KIF1C: variants seen among roughly 807,000 people sequenced by gnomAD.
KIF1C encodes kinesin-like protein KIF1C.
KIF1C carries 61 observed loss-of-function variants against 126.5 expected under a neutral mutation model. The ratio of observed to expected loss-of-function variants is 0.48; its 90% CI spans 0.39 to 0.60. The LOEUF is 0.60. KIF1C is among the 20% of genes least tolerant of loss of function. The probability of loss-of-function intolerance (pLI) is 0.00; values close to 1 mark genes in which losing one functional copy is unlikely to be tolerated. For missense variants in KIF1C, 1,315 were observed against 1,489.2 expected, an observed-to-expected ratio of 0.88 and a Z score of 1.93; for synonymous variants, 640 against 580.6, an observed-to-expected ratio of 1.10 and a Z score of -1.47.
intron 18 of KIF1C, 180 bp from the exon 19 acceptor site, chr17:5,019,816 C>G: frequency 3.2e-6 from 2 of 615,972 alleles, no homozygotes; most frequent in Non-Finnish European, 5.9e-6. Flanking sequence ...AACCCTCCTT[C>G]TGCTCTTCCT....
In KIF1C at chr17:5,025,289, C is replaced by T. The variant is rs1975190683; in HGVS notation, c.*1138C>T. ...GAGGGGAGGTAGAGGGACCGCCAGC[C>T]TGTCAATGCTTAACTGGCTGTTGCT... On this transcript the variant is annotated 3_prime_UTR_variant, in exon 23 of 23. Coordinates refer to ENST00000320785, the MANE Select transcript of KIF1C (RefSeq NM_006612.6). 2 of 152,318 alleles carry T rather than the reference C, an allele frequency of 1.3e-5. No homozygotes were observed. Among genetic ancestry groups the T allele is most frequent in the Admixed American group, 1.3e-4 (2 of 15,280 alleles). 9.4% of individuals were successfully genotyped at this position (152,318 alleles called of 1,614,324 possible). A position where few individuals can be genotyped will look rare whatever the true frequency, so the allele number is the denominator to read the frequency against.
chr17:5,007,545 G>A lies in KIF1C; in HGVS notation c.1491+3G>A. ...TGGGCGTCTTCTCTCCAAAGAAGGT[G>A]AGTGAGGAATCGAGCGAGGAGGCCT... On this transcript the variant is annotated splice_donor_region_variant and intron_variant, in intron 16 of 22. Transcript: ENST00000320785. 6.5e-7 allele frequency: 1 copy of A among 1,545,682 alleles called. No individual in the cohort carries two copies. Among genetic ancestry groups the A allele is most frequent in the Non-Finnish European group, 8.7e-7 (1 of 1,147,706 alleles).
Position 5,000,276 on chromosome 17 carries a change from G to GA in KIF1C, c.31dup (p.Arg11LysfsTer6). Reference sequence around the variant, plus strand: ...CTGGTGCCTCGGTGAAAGTGGCAGTGAGGGTTCGGCCCTTTAACGCCCGTG... The same window carrying GA: ...CTGGTGCCTCGGTGAAAGTGGCAGTGAAGGGTTCGGCCCTTTAACGCCCGTG... On this transcript the variant is annotated frameshift_variant, in exon 3 of 23. Transcript: ENST00000320785. LOFTEE classifies it high-confidence loss of function. 1 of 1,583,380 alleles carries GA rather than the reference G, an allele frequency of 6.3e-7. No individual in the cohort carries two copies. Among genetic ancestry groups the GA allele is most frequent in the Middle Eastern group, 1.8e-4 (1 of 5,630 alleles).
At position 5,022,727 on chromosome 17, in the gene KIF1C, C is replaced by A; in HGVS notation, c.2628+18C>A. On this transcript the variant is annotated intron_variant, in intron 22 of 22. Transcript: ENST00000320785. This position sits in a 1 kb window ranked among gnomAD's most constrained non-coding sequence, Gnocchi z 4.9. The stretch of plus-strand genomic sequence containing the variant: ...TGGCCCAGGTAGGACTGGCCTTCTG[C>A]CTCCCTTCTCTCCTCCCTCGGCTCT... The A allele has an allele frequency of 6.7e-7, 1 of 1,503,338 alleles. No individual in the cohort carries two copies. 93.1% of individuals were successfully genotyped at this position (1,503,338 alleles called of 1,614,324 possible).
At chr17:5,001,915 A>T in intron 5 of KIF1C, 144 bp from the exon 6 acceptor site, 1 of 706,406 alleles carries the variant, frequency 1.4e-6, no homozygotes, top group Non-Finnish European at 2.4e-6. Flanking sequence ...TTGTTTTCCC[A>T]TCTGTGAAAT....
In KIF1C at chr17:5,020,996, GGTCC is replaced by G; in HGVS notation, c.2010+119_2010+122del. 1 of 833,284 alleles carries G rather than the reference GGTCC, an allele frequency of 1.2e-6. No individual in the cohort carries two copies. Among genetic ancestry groups the G allele is most frequent in the African/African-American group, 1.7e-5 (1 of 58,708 alleles). The allele number at this position is 833,284 out of a possible 1,614,324, so 51.6% of individuals were successfully genotyped here. A position where few individuals can be genotyped will look rare whatever the true frequency, so the allele number is the denominator to read the frequency against. On this transcript the variant is annotated intron_variant, in intron 21 of 22. Coordinates refer to ENST00000320785, the MANE Select transcript of KIF1C (RefSeq NM_006612.6). The surrounding 1 kb of genome is among the most constrained non-coding windows in gnomAD (Gnocchi z 5.8). ...AAATGGGCATGGGGGTAAGGGGAAG[GGTCC>G]AAGAGGAAAAAGCCAGGAGAGAGAT...
intron 2 of KIF1C, 46 bp from the exon 3 acceptor site, chr17:5,000,174 T>C (rs772633444): frequency 2.5e-5 from 27 of 1,074,294 alleles, no homozygotes; most frequent in Non-Finnish European, 3.2e-5. Flanking sequence ...AATGTCTGGG[T>C]CCCTGCAGTG....
At position 5,007,500 on chromosome 17, in the gene KIF1C, C is replaced by T; in HGVS notation, c.1449C>T (p.Val483=). 1 of 1,575,224 alleles carries T rather than the reference C, an allele frequency of 6.3e-7. No individual in the cohort carries two copies. Among genetic ancestry groups the T allele is most frequent in the Non-Finnish European group, 8.6e-7 (1 of 1,160,388 alleles). ...TGCTGGCTGAGATGGGGGTGGCCGT[C>T]CGGGAGGATGGGGGAACTGTGGGCG... The part of the protein sequence containing the change: ...EALLAEMGVA[V]REDGGTVGVF... Residue 483 remains valine (V), a synonymous_variant, in exon 16 of 23, where the codon GTC becomes GTT. Transcript: ENST00000320785.
At chr17:5,001,508 A>T in intron 5 of KIF1C, 107 bp downstream of exon 5, 1 of 1,129,124 alleles carries the variant, frequency 8.9e-7, no homozygotes, top group South Asian at 1.5e-5. Context: ...CCTGGCTCTG[A>T]GGCCATTGGT....
rs1975219230 is a variant in KIF1C, at chr17:5,027,019, C to T, written c.*2868C>T. On this transcript the variant is annotated 3_prime_UTR_variant, in exon 23 of 23. Coordinates refer to ENST00000320785, the MANE Select transcript of KIF1C (RefSeq NM_006612.6). ...GCCTGTTTATTTTTCATCTGTGCTA[C>T]CTGTGCCGGCATTCCATATGCATTT... is the stretch of plus-strand genomic sequence containing the variant. The T allele has an allele frequency of 6.6e-6, 1 of 152,164 alleles. No individual in the cohort carries two copies. The highest frequency in any genetic ancestry group is 2.4e-5 in the African/African-American group (1 of 41,438). The allele number at this position is 152,164 out of a possible 1,614,324, so 9.4% of individuals were successfully genotyped here.
intron 18 of KIF1C, chr17:5,019,522 C>T (rs762658230): frequency 2.8e-5 from 5 of 177,506 alleles, no homozygotes; most frequent in Non-Finnish European, 6.8e-5. Flanking sequence ...CACATGTCAG[C>T]TGTGGCTTGA....
Position 5,001,307 on chromosome 17 carries a change from A to T in KIF1C, c.269A>T (p.Asn90Ile). 6.2e-7 allele frequency: 1 copy of T among 1,614,142 alleles called. No homozygotes were observed. The highest frequency in any genetic ancestry group is 8.5e-7 in the Non-Finnish European group (1 of 1,179,998). ...CTGCTCCACGCCTTTGAAGGCTACAACGTGTGCATCTTTGCCTATGGGCAG... is the reference window on the plus strand; with the variant it reads ...CTGCTCCACGCCTTTGAAGGCTACATCGTGTGCATCTTTGCCTATGGGCAG... ...EMLLHAFEGY[N>I]VCIFAYGQTG... The change falls in exon 5 of 23, where the codon AAC becomes ATC. Residue 90 changes from asparagine to isoleucine, a missense_variant. Around this residue, in one of 2 missense-constraint regions of KIF1C, gnomAD observed 874 missense variants for 1,053.2 expected, o/e 0.83. Transcript: ENST00000320785.
chr17:5,027,733 C>G lies in KIF1C; in HGVS notation c.*3582C>G, dbSNP rs1336538059. ...GTGGTTTATGTCTGTAATCCCAGCA[C>G]TTTGGGAGGCGGAGGCGGGAGGACT... On this transcript the variant is annotated 3_prime_UTR_variant, in exon 23 of 23. Coordinates refer to ENST00000320785, the MANE Select transcript of KIF1C (RefSeq NM_006612.6). 6.6e-6 allele frequency: 1 copy of G among 152,186 alleles called. No homozygotes were observed. Among genetic ancestry groups the G allele is most frequent in the Admixed American group, 6.6e-5 (1 of 15,252 alleles). The allele number at this position is 152,186 out of a possible 1,614,324, so 9.4% of individuals were successfully genotyped here. A position where few individuals can be genotyped will look rare whatever the true frequency, so the allele number is the denominator to read the frequency against.
intron 16 of KIF1C, among the ~76,000 whole-genome samples, chr17:5,012,983 G>C (rs555539001): frequency 6.6e-6 from 1 of 152,280 alleles, no homozygotes; most frequent in East Asian, 1.9e-4. Flanking sequence ...AGCCCCAGGC[G>C]GGTGCTGCAG....
chr17:5,006,751 T>TACC (rs1265295764), intron 13 of KIF1C, among the ~76,000 whole-genome samples, 164 bp from the exon 14 acceptor site: 2 of 152,194 alleles, frequency 1.3e-5, no homozygotes, highest in Non-Finnish European at 2.9e-5. Flanking sequence ...GGTGCCCATT[T>TACC]ACCATGGCTG....
chr17:5,013,446 T>C (rs1974908455), intron 16 of KIF1C, among the ~76,000 whole-genome samples: 1 of 151,644 alleles, frequency 6.6e-6, no homozygotes, highest in Non-Finnish European at 1.5e-5. Flanking sequence ...CTGAAGGCGG[T>C]TGGTGTGAGA....
chr17:5,007,441 G>A (rs1974761723), intron 15 of KIF1C, 26 bp from the exon 16 acceptor site: 3 of 1,608,238 alleles, frequency 1.9e-6, no homozygotes, highest in Non-Finnish European at 2.6e-6. Context: ...AGGTAAGACT[G>A]ACATTTGCCT....
At chr17:5,018,309 A>T (rs1485596254) in intron 18 of KIF1C, among the ~76,000 whole-genome samples, 6 of 151,730 alleles carry the variant, frequency 4.0e-5, no homozygotes, top group Non-Finnish European at 7.4e-5. Context: ...ACTTTAGATT[A>T]TCTGCTTTTA....
Position 5,024,136 on chromosome 17 carries a change from T to A in KIF1C, c.3297T>A (p.Ser1099Arg), listed in dbSNP as rs1471002106. Residue 1099 changes from serine (S) to arginine (R), a missense_variant, in exon 23 of 23, where the codon AGT becomes AGA. By Grantham distance (110) the Ser-to-Arg change is moderately radical (BLOSUM62 -1). Coordinates refer to ENST00000320785, the MANE Select transcript of KIF1C (RefSeq NM_006612.6). Reference protein sequence around the residue: ...RQRSAPDLKESGAAV With the variant: ...RQRSAPDLKERGAAV The stretch of plus-strand genomic sequence containing the variant: ...GTTCTGCCCCTGACCTCAAGGAGAG[T>A]GGGGCAGCTGTGTGAGTCCCACATC... 9 of 1,603,564 alleles carry A rather than the reference T, an allele frequency of 5.6e-6. No homozygotes were observed. The highest frequency in any genetic ancestry group is 1.4e-5 in the African/African-American group (1 of 72,740).
Sources: gnomAD v4.1 joint callset for allele counts (sites outside exome capture counted in the v4.1 genomes callset) on GRCh38, gnomAD v4.1.1 for gene constraint, gnomAD v4.1.1 regional missense constraint, Gnocchi (gnomAD v3.1) non-coding constraint, MANE v1.5 for transcripts, NCBI Gene and HGNC (gene_info 2026-07-23, HGNC 2026-07-21) for gene names.